SLC25A20: variants seen among roughly 807,000 people sequenced by gnomAD.
SLC25A20 encodes the protein solute carrier family 25 member 20.
In SLC25A20, 29 loss-of-function variants were observed where a neutral mutation model predicts 39.7. That is an observed-to-expected ratio of 0.73 (90% confidence interval 0.54 to 1.00). The LOEUF is 1.00. Ranked by LOEUF, SLC25A20 falls within the 50% of genes least tolerant of loss-of-function variation. SLC25A20 has a pLI of 0.00. For missense variants in SLC25A20, 333 were observed against 379.9 expected (o/e 0.88, Z 1.03); for synonymous variants, 103 against 142.2 (o/e 0.72, Z 1.96).
intron 4 of SLC25A20, among the ~76,000 whole-genome samples, chr3:48,873,845 T>A (rs1473313832): frequency 6.7e-6 from 1 of 149,012 alleles, no homozygotes; most frequent in Non-Finnish European, 1.5e-5. Context: ...GGCAGGCGCC[T>A]GTAGTCCCAG....
At chr3:48,896,400 A>G (rs1414750452) in intron 1 of SLC25A20, among the ~76,000 whole-genome samples, 1 of 151,920 alleles carries the variant, frequency 6.6e-6, no homozygotes, top group African/African-American at 2.4e-5. Flanking sequence ...TTGTGATTTT[A>G]TATACACTTC....
At chr3:48,873,425 A>G (rs1268719227) in intron 4 of SLC25A20, among the ~76,000 whole-genome samples, 1 of 147,402 alleles carries the variant, frequency 6.8e-6, no homozygotes, top group African/African-American at 2.5e-5. Context: ...CCTGCCCAAC[A>G]TGGTGAAACC....
At chr3:48,877,906 T>C (rs2083770536) in intron 4 of SLC25A20, among the ~76,000 whole-genome samples, 1 of 152,080 alleles carries the variant, frequency 6.6e-6, no homozygotes, top group Admixed American at 6.6e-5. Flanking sequence ...ACTTGTGACA[T>C]TTTTGTTGGT....
chr3:48,890,380 G>A (rs1223883678), intron 2 of SLC25A20, among the ~76,000 whole-genome samples: 1 of 151,854 alleles, frequency 6.6e-6, no homozygotes, highest in African/African-American at 2.4e-5. Flanking sequence ...TAGTAGAGAC[G>A]GGGTTTCACC....
intron 3 of SLC25A20, among the ~76,000 whole-genome samples, chr3:48,880,273 T>A (rs558325657): frequency 6.6e-6 from 1 of 152,020 alleles, no homozygotes; most frequent in African/African-American, 2.4e-5. Context: ...TTCTTTTCTT[T>A]CGTCTTTTTG....
intron 2 of SLC25A20, among the ~76,000 whole-genome samples, chr3:48,886,269 A>G (rs1429678678): frequency 1.3e-5 from 2 of 152,196 alleles, no homozygotes; most frequent in African/African-American, 4.8e-5. Context: ...TCATGCCTGT[A>G]ATCCCAGCAC....
In SLC25A20 at chr3:48,859,186, A is replaced by C. The variant is rs770379505; in HGVS notation, c.624T>G (p.Ser208Arg). ...TPEGKRVSEL[S>R]APRILVAGGI... is the part of the protein sequence containing the mutation. ...CCCCAGCCACCAAGATCCGAGGGGC[A>C]CTGAGCTCACTGACCCTGTATAACA... Residue 208 changes from serine (S) to arginine (R), a missense_variant, in exon 7 of 9, where the codon AGT (serine) becomes AGG (arginine). Physicochemically the swap from Ser to Arg is moderately radical, Grantham distance 110. Coordinates refer to ENST00000319017, the MANE Select transcript of SLC25A20 (RefSeq NM_000387.6). 6.2e-7 allele frequency: 1 copy of C among 1,613,906 alleles called. No homozygotes were observed. Among genetic ancestry groups the C allele is most frequent in the Non-Finnish European group, 8.5e-7 (1 of 1,179,934 alleles).
intron 3 of SLC25A20, among the ~76,000 whole-genome samples, chr3:48,880,000 C>G (rs1297150475): frequency 6.6e-6 from 1 of 152,148 alleles, no homozygotes. Flanking sequence ...GCTGTGGCCA[C>G]CTCTAAAGGC....
intron 4 of SLC25A20, among the ~76,000 whole-genome samples, chr3:48,871,295 G>A (rs1393378875): frequency 2.6e-5 from 4 of 150,988 alleles, no homozygotes; most frequent in Non-Finnish European, 2.9e-5. Flanking sequence ...TACAATTTAC[G>A]TGGAAAGACA....
chr3:48,860,025 G>A (rs1204710504), intron 5 of SLC25A20, among the ~76,000 whole-genome samples: 3 of 152,154 alleles, frequency 2.0e-5, no homozygotes, highest in South Asian at 2.1e-4. Context: ...AAAATGGGCC[G>A]GGCATAGTGG....
At chr3:48,896,568 T>C (rs1176263664) in intron 1 of SLC25A20, among the ~76,000 whole-genome samples, 1 of 152,000 alleles carries the variant, frequency 6.6e-6, no homozygotes, top group African/African-American at 2.4e-5. Context: ...TGGAGTGCAA[T>C]GGCACAATCT....
chr3:48,892,353 T>G (rs1406625153), intron 1 of SLC25A20, among the ~76,000 whole-genome samples: 1 of 152,236 alleles, frequency 6.6e-6, no homozygotes, highest in Non-Finnish European at 1.5e-5. Flanking sequence ...TTGATTATTA[T>G]GAATAATGCT....
At chr3:48,877,240 C>T (rs1241276135) in intron 4 of SLC25A20, among the ~76,000 whole-genome samples, 1 of 151,912 alleles carries the variant, frequency 6.6e-6, no homozygotes, top group Admixed American at 6.6e-5. Flanking sequence ...TATGGAGAAA[C>T]CCCATCTCTA....
At chr3:48,867,963 C>T (rs1173941455) in intron 4 of SLC25A20, among the ~76,000 whole-genome samples, 8 of 151,458 alleles carry the variant, frequency 5.3e-5, no homozygotes, top group African/African-American at 1.7e-4. Flanking sequence ...CGGGAGGCTG[C>T]GGCAGGAGAA....
chr3:48,859,673 G>T, intron 5 of SLC25A20, 46 bp from the exon 6 acceptor site: 1 of 1,438,606 alleles, frequency 7.0e-7, no homozygotes, highest in Non-Finnish European at 9.8e-7. Context: ...TAAACTCTTC[G>T]CCAGGCATGG....
At chr3:48,875,164 T>C (rs13060124) in intron 4 of SLC25A20, among the ~76,000 whole-genome samples, 1 of 151,180 alleles carries the variant, frequency 6.6e-6, no homozygotes, top group Non-Finnish European at 1.5e-5. Flanking sequence ...AGTGCAGTGG[T>C]GCAATCTCGG....
intron 2 of SLC25A20, among the ~76,000 whole-genome samples, chr3:48,889,294 G>A (rs1431158883): frequency 6.6e-6 from 1 of 151,730 alleles, no homozygotes; most frequent in Non-Finnish European, 1.5e-5. Context: ...GGAAGCTTAG[G>A]CAGGAGAATC....
At chr3:48,862,722 G>T in intron 4 of SLC25A20, 63 bp from the exon 5 acceptor site, 2 of 1,082,440 alleles carry the variant, frequency 1.8e-6, no homozygotes, top group Non-Finnish European at 2.9e-6. Flanking sequence ...GCAGGTTACA[G>T]GAGACTACAA....
In SLC25A20 at chr3:48,892,119, C is replaced by T. The variant is rs775983995; in HGVS notation, c.106-47G>A. 2.7e-6 allele frequency: 4 copies of T among 1,462,244 alleles called. No individual in the cohort carries two copies. In the South Asian group the frequency reaches 3.4e-5, roughly 12 times the overall value. The allele number at this position is 1,462,244 out of a possible 1,614,324, so 90.6% of individuals were successfully genotyped here. A position where few individuals can be genotyped will look rare whatever the true frequency, so the allele number is the denominator to read the frequency against. ...CAGTCACCTACCAGAATCAGAACTG[C>T]CTGTCAGCAGCAATGGCCCAACTGT... On this transcript the variant is annotated intron_variant, in intron 1 of 8. Transcript: ENST00000319017.
Sources: gnomAD v4.1 joint callset for allele counts (sites outside exome capture counted in the v4.1 genomes callset) on GRCh38, gnomAD v4.1.1 for gene constraint, MANE v1.5 for transcripts, NCBI Gene and HGNC (gene_info 2026-07-23, HGNC 2026-07-21) for gene names.